Variants in FGD3 observed in about 807,000 individuals in gnomAD.
The protein encoded by FGD3 is FYVE, RhoGEF and PH domain-containing protein 3.
Under a neutral mutation model 71.8 loss-of-function variants are expected in FGD3, and 45 were observed. That is an observed-to-expected ratio of 0.63 (90% CI 0.49 to 0.80). FGD3 has a LOEUF of 0.80. Ranked by LOEUF, FGD3 falls within the 30% of genes least tolerant of loss-of-function variation. The probability of loss-of-function intolerance (pLI) is 0.00; values close to 1 mark genes in which losing one functional copy is unlikely to be tolerated. For missense variants in FGD3, 844 were observed against 951.5 expected (o/e 0.89, Z 1.49); for synonymous variants, 378 against 392.8 (o/e 0.96, Z 0.44).
intron 6 of FGD3, 25 bp from the exon 7 acceptor site, chr9:93,010,221 C>T: frequency 1.3e-6 from 2 of 1,588,982 alleles, no homozygotes. Flanking sequence ...CCTTGGAGTG[C>T]CCAATGCTCC....
chr9:93,032,765 G>C lies in FGD3; in HGVS notation c.1681-4G>C. ...TGGGGTCACACGTGCCCTCTGTTTG[G>C]CAGGTCATCTGTGGGAAGTGCTCCG... is the stretch of plus-strand genomic sequence containing the variant. On this transcript the variant is annotated splice_region_variant and splice_polypyrimidine_tract_variant and intron_variant, in intron 15 of 17. Coordinates refer to ENST00000375482, the MANE Select transcript of FGD3 (RefSeq NM_001083536.2). The C allele has an allele frequency of 1.2e-6, 2 of 1,614,110 alleles. No individual in the cohort carries two copies. The highest frequency in any genetic ancestry group is 1.7e-6 in the Non-Finnish European group (2 of 1,179,928).
At chr9:92,947,984 T>C (rs553401173) in intron 1 of FGD3, among the ~76,000 whole-genome samples, 1 of 152,254 alleles carries the variant, frequency 6.6e-6, no homozygotes, top group South Asian at 2.1e-4. Context: ...TTGGCAGTCC[T>C]CGCGGTGGGT....
chr9:92,987,371 G>A (rs1860226974), intron 3 of FGD3, among the ~76,000 whole-genome samples: 1 of 151,052 alleles, frequency 6.6e-6, no homozygotes, highest in South Asian at 2.1e-4. Flanking sequence ...GGCGGAGCTT[G>A]CAGAGAGCCG....
At chr9:93,012,017 G>A (rs1861418178) in intron 8 of FGD3, among the ~76,000 whole-genome samples, 1 of 149,840 alleles carries the variant, frequency 6.7e-6, no homozygotes, top group Admixed American at 6.7e-5. Flanking sequence ...AATTGGGCAT[G>A]GTGGCAGGCG....
chr9:93,027,283 G>T (rs1331326536), intron 14 of FGD3, among the ~76,000 whole-genome samples: 1 of 152,220 alleles, frequency 6.6e-6, no homozygotes, highest in Non-Finnish European at 1.5e-5. Flanking sequence ...GCCAGAATTT[G>T]CACAGAGGCA....
In FGD3 at chr9:93,003,950, G is replaced by A. The variant is rs1369663316; in HGVS notation, c.544-51G>A. ...CTGTGGCCGAAGCGGGGCGGCAACT[G>A]TGCTCAGTGGAAGAGGCTCACTGGC... On this transcript the variant is annotated intron_variant, in intron 4 of 17. Coordinates refer to ENST00000375482, the MANE Select transcript of FGD3 (RefSeq NM_001083536.2). The surrounding 1 kb of genome is among the most constrained non-coding windows in gnomAD (Gnocchi z 4.1). 1.9e-6 allele frequency: 3 copies of A among 1,608,138 alleles called. No homozygotes were observed. The Admixed American group carries it at 5.0e-5, about 27-fold the overall frequency.
intron 1 of FGD3, among the ~76,000 whole-genome samples, chr9:92,962,316 G>C (rs964940397): frequency 6.6e-6 from 1 of 152,338 alleles, no homozygotes; most frequent in Admixed American, 6.5e-5. Flanking sequence ...ACCTGGGTTT[G>C]TGTCCCTGGT....
At position 93,014,791 on chromosome 9, in the gene FGD3, G is replaced by A. The variant is rs978474929; in HGVS notation, c.1182+793G>A. ...TGAGTAGCTGGGATTACAGGCGTGC[G>A]CCACCACGCCCGGCTAATTTTTGTA... On this transcript the variant is annotated intron_variant, in intron 9 of 17. Coordinates refer to ENST00000375482, the MANE Select transcript of FGD3 (RefSeq NM_001083536.2). Among the ~76,000 whole-genome samples the A allele has an allele frequency of 2.6e-5, 4 of 152,036 alleles. No homozygotes were observed. The South Asian group carries it at 6.2e-4, about 24-fold the overall frequency.
chr9:93,004,208 G>A, intron 5 of FGD3, 71 bp downstream of exon 5: 15 of 1,581,446 alleles, frequency 9.5e-6, no homozygotes, highest in Non-Finnish European at 1.2e-5. Context: ...GTGCCTGAGA[G>A]CGAGGCAAGT....
chr9:93,024,422 CCACA>C (rs1445580479), intron 14 of FGD3, among the ~76,000 whole-genome samples: 1 of 152,208 alleles, frequency 6.6e-6, no homozygotes, highest in Non-Finnish European at 1.5e-5. Context: ...GCACTGCCTC[CCACA>C]CACACAGCTC....
At chr9:93,000,205 TCTACTCTTTTA>T (rs1860811166) in intron 3 of FGD3, among the ~76,000 whole-genome samples, 1 of 152,228 alleles carries the variant, frequency 6.6e-6, no homozygotes, top group African/African-American at 2.4e-5. Context: ...ATGCAAAAAC[TCTACTCTTTTA>T]CAATTCCACC....
intron 1 of FGD3, among the ~76,000 whole-genome samples, chr9:92,949,212 A>AGCACATGTGCTG (rs1422494572): frequency 2.0e-5 from 3 of 152,072 alleles, no homozygotes; most frequent in Non-Finnish European, 4.4e-5. Context: ...GGTGCCTGGA[A>AGCACATGTGCTG]AGGGGAGCAG....
At chr9:92,997,878 C>G (rs1018323681) in intron 3 of FGD3, among the ~76,000 whole-genome samples, 7 of 152,228 alleles carry the variant, frequency 4.6e-5, no homozygotes, top group African/African-American at 1.7e-4. Context: ...ATAACCCAAC[C>G]TTTCTCTCTG....
At chr9:92,963,249 G>A (rs1287166894) in intron 1 of FGD3, among the ~76,000 whole-genome samples, 2 of 152,326 alleles carry the variant, frequency 1.3e-5, no homozygotes, top group Middle Eastern at 3.4e-3. Context: ...ACCTGCGGCA[G>A]CACCTGGCAC....
At position 92,969,274 on chromosome 9, in the gene FGD3, CG is replaced by C. The variant is rs1483860658; in HGVS notation, c.-217-5960del. Among the ~76,000 whole-genome samples, 1 of 152,200 alleles carries C rather than the reference CG, an allele frequency of 6.6e-6. No homozygotes were observed. Among genetic ancestry groups the C allele is most frequent in the African/African-American group, 2.4e-5 (1 of 41,464 alleles). On this transcript the variant is annotated intron_variant, in intron 1 of 17. Transcript: ENST00000375482. This position sits in a 1 kb window ranked among gnomAD's most constrained non-coding sequence, Gnocchi z 4.5. ...AGGCCTGGCTGCCACCTGCTGTCGG[CG>C]GGGATGCCCCCGCATGCCTCTCTGA...
intron 3 of FGD3, among the ~76,000 whole-genome samples, chr9:93,001,535 T>C (rs1390571042): frequency 1.3e-5 from 2 of 152,210 alleles, no homozygotes; most frequent in African/African-American, 4.8e-5. Context: ...AATGAATCTA[T>C]TCAAATAGCT....
intron 3 of FGD3, among the ~76,000 whole-genome samples, chr9:92,994,459 C>A (rs971431185): frequency 8.5e-5 from 13 of 152,186 alleles, no homozygotes; most frequent in Admixed American, 2.0e-4. Flanking sequence ...TGTGCAGAAG[C>A]TCTTTAGTTT....
Position 93,035,614 on chromosome 9 carries a change from A to G in FGD3, c.*25A>G, listed in dbSNP as rs1258555793. 6.4e-7 allele frequency: 1 copy of G among 1,563,820 alleles called. No individual in the cohort carries two copies. The highest frequency in any genetic ancestry group is 1.7e-5 in the Admixed American group (1 of 57,920). ...AGCTGAGTCTCCCACTGCCCTGCAC[A>G]CCACCACATTGGACCTGTGCTGTCC... On this transcript the variant is annotated 3_prime_UTR_variant, in exon 18 of 18. Transcript: ENST00000375482.
chr9:92,948,623 T>A (rs1386896468), intron 1 of FGD3, among the ~76,000 whole-genome samples: 2 of 152,260 alleles, frequency 1.3e-5, no homozygotes, highest in African/African-American at 4.8e-5. Context: ...CATCTATGTA[T>A]GTGTGTGCAC....
Sources: allele counts gnomAD v4.1 joint callset (sites outside exome capture counted in the v4.1 genomes callset), GRCh38; gene constraint gnomAD v4.1.1; non-coding constraint Gnocchi (gnomAD v3.1); transcripts MANE v1.5; gene names NCBI Gene and HGNC (gene_info 2026-07-23, HGNC 2026-07-21).